LRRC53: variants seen among roughly 807,000 people sequenced by gnomAD.
LRRC53 encodes leucine-rich repeat-containing protein 53.
LRRC53 carries 25 observed loss-of-function variants against 13.6 expected under a neutral mutation model. The ratio of observed to expected loss-of-function variants is 1.83; its 90% CI spans 1.34 to 2.56. LRRC53 has a LOEUF of 2.56. Among genes scored for constraint, LRRC53 ranks in the 30% most tolerant of loss-of-function variants. The probability of loss-of-function intolerance (pLI) is 0.00; values close to 1 mark genes in which losing one functional copy is unlikely to be tolerated. For synonymous variants in LRRC53, 204 were observed against 109.8 expected, an observed-to-expected ratio of 1.86 and a Z score of -5.37; for missense variants, 527 against 275.8, an observed-to-expected ratio of 1.91 and a Z score of -6.45.
chr1:74,511,186 G>T (rs1186746419), intron 1 of LRRC53, among the ~76,000 whole-genome samples: 2 of 126,932 alleles, frequency 1.6e-5, no homozygotes, highest in African/African-American at 6.4e-5. Flanking sequence ...GAGCTACCGT[G>T]CCCGGCCTAT....
At chr1:74,524,451 T>G in the LRRC53 span, among the ~76,000 whole-genome samples, 1 of 152,174 alleles carries the variant, frequency 6.6e-6, no homozygotes, top group South Asian at 2.1e-4. Context: ...TAGGGCCAAC[T>G]GGTGACTAAC....
rs377366192 is a variant in LRRC53, at chr1:74,503,121, GA to G, written c.-27+9404del. Reference sequence around the variant, plus strand: ...TGGTAGCCAAATGCAGTCAATGAATGAAAAAAACAACAACAATCTTTTAGCT... The same window carrying G: ...TGGTAGCCAAATGCAGTCAATGAATGAAAAAACAACAACAATCTTTTAGCT... On this transcript the variant is annotated intron_variant, in intron 1 of 4. Transcript: ENST00000294635. Among the ~76,000 whole-genome samples the G allele has an allele frequency of 8.3e-4, 126 of 152,004 alleles. 2 individuals are homozygous for G. The South Asian group carries it at 1.0e-2, about 12-fold the overall frequency.
At chr1:74,524,756 T>TAA in the LRRC53 span, among the ~76,000 whole-genome samples, 3 of 137,328 alleles carry the variant, frequency 2.2e-5, no homozygotes, top group African/African-American at 8.0e-5. Flanking sequence ...TTTAAAAAAG[T>TAA]AAAAAAAAAA....
chr1:74,496,572 A>G (rs74714927), intron 1 of LRRC53, among the ~76,000 whole-genome samples: 15,736 of 151,958 alleles, frequency 0.1, 2,128 homozygotes, highest in African/African-American at 0.32. Flanking sequence ...GTAATGCTTG[A>G]TTTTATGGGG....
intron 1 of LRRC53, among the ~76,000 whole-genome samples, chr1:74,497,982 T>C (rs187586903): frequency 4.6e-5 from 7 of 152,256 alleles, no homozygotes; most frequent in African/African-American, 1.7e-4. Flanking sequence ...TGTGGGAGGC[T>C]TTTTTGTTTG....
intron 4 of LRRC53, among the ~76,000 whole-genome samples, 188 bp downstream of exon 4, chr1:74,475,107 C>T (rs1381096772): frequency 7.2e-6 from 1 of 139,408 alleles, no homozygotes; most frequent in Non-Finnish European, 1.5e-5. Flanking sequence ...ACTTCATCTC[C>T]ACCTCAGCCC....
chr1:74,518,057 G>A, the LRRC53 span, among the ~76,000 whole-genome samples: 1 of 152,286 alleles, frequency 6.6e-6, no homozygotes, highest in Admixed American at 6.5e-5. Context: ...GCACTTTTAG[G>A]AGATTAATAG....
rs1309406257 is a variant in LRRC53 at position 74,470,024 on chromosome 1, G to A, written c.3598C>T (p.Pro1200Ser). The change falls in exon 5 of 5, where the codon CCA (proline) becomes TCA (serine). Residue 1200 changes from proline (P) to serine (S), a missense_variant. Coordinates refer to ENST00000294635, the MANE Select transcript of LRRC53 (RefSeq NM_001382280.1). ...GCCTCAAAACTGTCTTTTAACCCTG[G>A]TAAGAAGGAAAGCGCTTCATGTGTC... ...VETHEALSFL[P>S]GLKDSFEAEN... 2.5e-6 allele frequency: 1 copy of A among 400,570 alleles called. No homozygotes were observed. The highest frequency in any genetic ancestry group is 3.6e-5 in the East Asian group (1 of 28,064). The allele number at this position is 400,570 out of a possible 1,614,324, so 24.8% of individuals were successfully genotyped here. A position where few individuals can be genotyped will look rare whatever the true frequency, so the allele number is the denominator to read the frequency against.
chr1:74,500,318 T>G (rs1669544761), intron 1 of LRRC53, among the ~76,000 whole-genome samples: 2 of 152,068 alleles, frequency 1.3e-5, no homozygotes. Context: ...TAGTATCATT[T>G]TTCTTTTCCA....
chr1:74,476,090 A>G, intron 3 of LRRC53, among the ~76,000 whole-genome samples: 1 of 152,150 alleles, frequency 6.6e-6, no homozygotes, highest in Middle Eastern at 3.2e-3. Flanking sequence ...ACTGAAACTC[A>G]TTTAAGATAA....
chr1:74,488,541 T>A (rs1196374229), intron 1 of LRRC53, among the ~76,000 whole-genome samples: 3 of 152,196 alleles, frequency 2.0e-5, no homozygotes, highest in Non-Finnish European at 4.4e-5. Context: ...TTTCTAAAAT[T>A]CCAAGAATTT....
the LRRC53 span, among the ~76,000 whole-genome samples, chr1:74,528,135 C>T: frequency 3.3e-5 from 5 of 152,132 alleles, no homozygotes; most frequent in Admixed American, 6.5e-5. Context: ...GAATGGTAAG[C>T]AGGACATCCT....
intron 1 of LRRC53, among the ~76,000 whole-genome samples, chr1:74,512,176 C>T (rs1391826639): frequency 6.6e-6 from 1 of 152,238 alleles, no homozygotes; most frequent in African/African-American, 2.4e-5. Flanking sequence ...CTGTGAGGGA[C>T]CATAAAGGGG....
intron 1 of LRRC53, among the ~76,000 whole-genome samples, chr1:74,500,274 T>C (rs1184090458): frequency 6.6e-6 from 1 of 152,086 alleles, no homozygotes; most frequent in Non-Finnish European, 1.5e-5. Flanking sequence ...TAATGTTTCA[T>C]TGTTTGTTAT....
the LRRC53 span, among the ~76,000 whole-genome samples, chr1:74,523,212 A>G: frequency 6.6e-6 from 1 of 152,222 alleles, no homozygotes; most frequent in African/African-American, 2.4e-5. Flanking sequence ...GGAAGATTAA[A>G]TAAGGAATTG....
At position 74,480,901 on chromosome 1, in the gene LRRC53, GT is replaced by G. The variant is rs1222316515; in HGVS notation, c.155del (p.Asn52ThrfsTer13). ...DGYLSSIEST[N>X]LSLLFNLALL... ...GGGCAAGATTAAACAAGAGAGACAG[GT>G]TTGTGCTCTCAATAGAGGAGAGATA... On this transcript the variant is annotated frameshift_variant, in exon 3 of 5. Coordinates refer to ENST00000294635, the MANE Select transcript of LRRC53 (RefSeq NM_001382280.1). LOFTEE classifies it high-confidence loss of function. 1.4e-5 allele frequency: 10 copies of G among 717,292 alleles called. No individual in the cohort carries two copies. The highest frequency in any genetic ancestry group is 2.3e-5 in the Non-Finnish European group (9 of 385,098). 44.4% of individuals were successfully genotyped at this position (717,292 alleles called of 1,614,324 possible). A position where few individuals can be genotyped will look rare whatever the true frequency, so the allele number is the denominator to read the frequency against.
intron 1 of LRRC53, among the ~76,000 whole-genome samples, chr1:74,500,327 C>G (rs541297038): frequency 6.6e-6 from 1 of 151,604 alleles, no homozygotes; most frequent in Non-Finnish European, 1.5e-5. Context: ...TTTTCTTTTC[C>G]ATAAATGCAC....
the LRRC53 span, among the ~76,000 whole-genome samples, chr1:74,518,778 A>G: frequency 6.6e-6 from 1 of 152,090 alleles, no homozygotes; most frequent in African/African-American, 2.4e-5. Flanking sequence ...TTTTTAAAAC[A>G]ACATTTACAA....
intron 4 of LRRC53, among the ~76,000 whole-genome samples, chr1:74,473,185 T>C (rs182697335): frequency 1.8e-3 from 273 of 152,256 alleles, no homozygotes; most frequent in Non-Finnish European, 2.2e-3. Flanking sequence ...TCATCTCTTT[T>C]AATATTCACA....
Sources: allele counts gnomAD v4.1 joint callset (sites outside exome capture counted in the v4.1 genomes callset), GRCh38; gene constraint gnomAD v4.1.1; transcripts MANE v1.5; gene names NCBI Gene and HGNC (gene_info 2026-07-23, HGNC 2026-07-21).